INTS3: variants seen among roughly 807,000 people sequenced by gnomAD.
INTS3 encodes integrator complex subunit 3, also known as SOSS complex subunit A.
INTS3 carries 34 observed loss-of-function variants against 146.3 expected under a neutral mutation model. That is an observed-to-expected ratio of 0.23 (90% CI 0.18 to 0.31). The LOEUF (loss-of-function observed/expected upper bound fraction) is 0.31, where lower values mean the gene tolerates loss of function less well. INTS3 is among the 10% of genes least tolerant of loss of function. INTS3 has a pLI of 1.00. For synonymous variants in INTS3, 475 were observed against 494.9 expected (o/e 0.96, Z 0.53); for missense variants, 757 against 1,304.2 (o/e 0.58, Z 6.46).
chr1:153,746,090 C>T (rs1204651343), intron 3 of INTS3, among the ~76,000 whole-genome samples: 1 of 152,066 alleles, frequency 6.6e-6, no homozygotes, highest in African/African-American at 2.4e-5. Context: ...ACTAAAAATT[C>T]AAAAAAATAT....
chr1:153,770,617 G>T, intron 24 of INTS3, 68 bp from the exon 25 acceptor site: 1 of 1,339,502 alleles, frequency 7.5e-7, no homozygotes, highest in Non-Finnish European at 1.1e-6. Context: ...TGGGGGATGA[G>T]AGAGGTCCCC....
At chr1:153,766,080 G>A (rs1431090038) in intron 20 of INTS3, among the ~76,000 whole-genome samples, 7 of 145,252 alleles carry the variant, frequency 4.8e-5, no homozygotes, top group South Asian at 4.4e-4. Flanking sequence ...GAATCAAACT[G>A]TATGTGATCT....
In INTS3 at chr1:153,773,834, G is replaced by A. The variant is rs1673013852; in HGVS notation, c.*564G>A. 5.8e-6 allele frequency: 1 copy of A among 171,218 alleles called. No homozygotes were observed. 10.6% of individuals were successfully genotyped at this position (171,218 alleles called of 1,614,324 possible). A position where few individuals can be genotyped will look rare whatever the true frequency, so the allele number is the denominator to read the frequency against. On this transcript the variant is annotated 3_prime_UTR_variant, in exon 30 of 30. Transcript: ENST00000318967. Reference sequence around the variant, plus strand: ...ATGGGGCAGATGCCACAAGCATTCAGAAAGGAGTCTGAAAGGGTGGCCACA... The same window carrying A: ...ATGGGGCAGATGCCACAAGCATTCAAAAAGGAGTCTGAAAGGGTGGCCACA...
intron 17 of INTS3, 98 bp from the exon 18 acceptor site, chr1:153,764,020 C>A: frequency 1.5e-6 from 2 of 1,302,806 alleles, no homozygotes; most frequent in Non-Finnish European, 2.2e-6. Flanking sequence ...GCTTGCTGAT[C>A]CTGGAGGTGG....
At chr1:153,752,131 A>G in intron 7 of INTS3, 148 bp from the exon 8 acceptor site, 1 of 826,986 alleles carries the variant, frequency 1.2e-6, no homozygotes, top group East Asian at 2.5e-5. Context: ...CTAGGAGCCA[A>G]TCCTTTGGTT....
At chr1:153,759,925 A>G (rs1672309843) in intron 11 of INTS3, 1 of 499,744 alleles carries the variant, frequency 2.0e-6, no homozygotes, top group Admixed American at 3.6e-5. Flanking sequence ...TCAAAGCTGA[A>G]TGCTGGGAAC....
rs755086641 is a variant in INTS3, at chr1:153,763,288, A to G, written c.1692A>G (p.Pro564=). ...HPIKETVVEE[P]VDITPYLDQL... ...TCAAGGAGACAGTTGTGGAGGAGCC[A>G]GTTGATATCACCCCTTACCTTGACC... The change falls in exon 16 of 30, where the codon CCA becomes CCG. Residue 564 remains proline (P), a synonymous_variant. Coordinates refer to ENST00000318967, the MANE Select transcript of INTS3 (RefSeq NM_023015.5). The G allele has an allele frequency of 2.5e-6, 4 of 1,614,188 alleles. No individual in the cohort carries two copies. Among genetic ancestry groups the G allele is most frequent in the South Asian group, 1.1e-5 (1 of 91,084 alleles).
intron 1 of INTS3, 86 bp downstream of exon 1, chr1:153,728,870 G>A: frequency 3.0e-6 from 1 of 337,514 alleles, no homozygotes; most frequent in Non-Finnish European, 5.7e-6. Flanking sequence ...ACGGGGGGTG[G>A]GGGCGGGGGT....
intron 23 of INTS3, 122 bp from the exon 24 acceptor site, chr1:153,770,059 GTGTGTGTGTGTGTGTGT>G (rs1326592047): frequency 7.1e-5 from 23 of 326,194 alleles, no homozygotes; most frequent in African/African-American, 1.6e-4. Context: ...GTGGATTGGG[GTGTGTGTGTGTGTGTGT>G]GTGTGTGTGT....
chr1:153,750,685 T>C (rs1225873494), intron 6 of INTS3, among the ~76,000 whole-genome samples: 2 of 152,206 alleles, frequency 1.3e-5, no homozygotes, highest in East Asian at 3.8e-4. Flanking sequence ...TTACCCAGCT[T>C]TTCCCCATAG....
At chr1:153,730,654 G>A (rs578174896) in intron 1 of INTS3, among the ~76,000 whole-genome samples, 49 of 152,294 alleles carry the variant, frequency 3.2e-4, no homozygotes, top group African/African-American at 1.1e-3. Flanking sequence ...CATCGAAGAG[G>A]GGAAGCATGC....
intron 1 of INTS3, among the ~76,000 whole-genome samples, chr1:153,735,851 T>A (rs2101779354): frequency 6.6e-6 from 1 of 152,260 alleles, no homozygotes; most frequent in South Asian, 2.1e-4. Context: ...GCCTCCCAAG[T>A]ACCTGGGACT....
At chr1:153,748,277 C>A in intron 5 of INTS3, 1 of 190,674 alleles carries the variant, frequency 5.2e-6, no homozygotes, top group East Asian at 1.3e-4. Context: ...CTGTTGGGGG[C>A]CTCAGTGCAG....
At position 153,757,469 on chromosome 1, in the gene INTS3, TAGAGGTCTAGGGCAAACCTAGAGTTA is replaced by T. The variant is rs1435254602; in HGVS notation, c.958-100_958-75del. ...AGCTAATGAATGAATTGTGGAGAAA[TAGAGGTCTAGGGCAAACCTAGAGTTA>T]AGTGGTGCTCGTTTTCCTCTGGCCA... On this transcript the variant is annotated intron_variant, in intron 9 of 29. Transcript: ENST00000318967. This position sits in a 1 kb window ranked among gnomAD's most constrained non-coding sequence, Gnocchi z 4.0. 2.3e-6 allele frequency: 2 copies of T among 882,524 alleles called. No individual in the cohort carries two copies. Among genetic ancestry groups the T allele is most frequent in the Non-Finnish European group, 3.6e-6 (2 of 561,562 alleles). 54.7% of individuals were successfully genotyped at this position (882,524 alleles called of 1,614,324 possible).
chr1:153,740,810 C>A, intron 2 of INTS3, 76 bp downstream of exon 2: 1 of 1,193,292 alleles, frequency 8.4e-7, no homozygotes, highest in Non-Finnish European at 1.3e-6. Context: ...GATGGAAAGA[C>A]TAAGTGGTTG....
At chr1:153,768,341 A>C (rs758236829) in intron 21 of INTS3, among the ~76,000 whole-genome samples, 14 of 152,218 alleles carry the variant, frequency 9.2e-5, no homozygotes, top group Non-Finnish European at 1.5e-4. Context: ...ATAAGGACCC[A>C]GGGCATGACA....
chr1:153,763,154 G>A, intron 15 of INTS3, 79 bp from the exon 16 acceptor site: 10 of 1,570,586 alleles, frequency 6.4e-6, no homozygotes, highest in Non-Finnish European at 8.8e-6. Flanking sequence ...ATGTGAGGAA[G>A]GGGATAAGTC....
At chr1:153,759,990 G>A (rs1672313071) in intron 11 of INTS3, 1 of 502,044 alleles carries the variant, frequency 2.0e-6, no homozygotes, top group South Asian at 2.8e-5. Context: ...TCTTGGGTCT[G>A]CTCAGTGGAA....
rs111799269 is a variant in INTS3 at position 153,741,184 on chromosome 1, T to A, written c.235-101T>A. 917 of 822,038 alleles carry A rather than the reference T, an allele frequency of 1.1e-3. 14 individuals carry two copies. The African/African-American group carries it at 0.014, about 13-fold the overall frequency. 50.9% of individuals were successfully genotyped at this position (822,038 alleles called of 1,614,324 possible). On this transcript the variant is annotated intron_variant, in intron 2 of 29. Coordinates refer to ENST00000318967, the MANE Select transcript of INTS3 (RefSeq NM_023015.5). Reference sequence around the variant, plus strand: ...GATTTAAAAGTTGATTATTCTCCTTTGCATCTTCCTTAGGAGTCCCATGTT... The same window carrying A: ...GATTTAAAAGTTGATTATTCTCCTTAGCATCTTCCTTAGGAGTCCCATGTT...
Sources: gnomAD v4.1 joint callset for allele counts (sites outside exome capture counted in the v4.1 genomes callset) on GRCh38, gnomAD v4.1.1 for gene constraint, Gnocchi (gnomAD v3.1) non-coding constraint, MANE v1.5 for transcripts, NCBI Gene and HGNC (gene_info 2026-07-23, HGNC 2026-07-21) for gene names.